Variants in GABARAPL1 observed in about 807,000 individuals in gnomAD.
The protein encoded by GABARAPL1 is gamma-aminobutyric acid receptor-associated protein-like 1.
GABARAPL1 carries 4 observed loss-of-function variants against 14.5 expected under a neutral mutation model. That is an observed-to-expected ratio of 0.28 (90% CI 0.14 to 0.63). The LOEUF (loss-of-function observed/expected upper bound fraction) is 0.63. GABARAPL1 is among the 30% of genes least tolerant of loss of function. The pLI, the probability that GABARAPL1 is intolerant of heterozygous loss-of-function variation, is 0.84. For missense variants in GABARAPL1, 82 were observed against 139.2 expected (o/e 0.59, Z 2.07); for synonymous variants, 47 against 50.6 (o/e 0.93, Z 0.30).
intron 2 of GABARAPL1, among the ~76,000 whole-genome samples, chr12:10,219,095 G>A (rs1285422680): frequency 6.6e-6 from 1 of 151,480 alleles, no homozygotes; most frequent in African/African-American, 2.4e-5. Context: ...GATGTGGGCA[G>A]ATCACCTGAG....
At chr12:10,213,733 A>G (rs1182190609) in intron 1 of GABARAPL1, 2 of 391,390 alleles carry the variant, frequency 5.1e-6, no homozygotes, top group Non-Finnish European at 1.0e-5. Flanking sequence ...GCTATTCAGT[A>G]ATTTTCTTGC....
intron 1 of GABARAPL1, 196 bp downstream of exon 1, chr12:10,213,415 G>C: frequency 1.5e-6 from 1 of 650,098 alleles, no homozygotes; most frequent in Non-Finnish European, 2.8e-6. Flanking sequence ...CCGTATGCCT[G>C]GGCCCCGAAC....
Position 10,222,337 on chromosome 12 carries a change from T to G in GABARAPL1, c.*485T>G, listed in dbSNP as rs74062112. 0.031 allele frequency: 5,165 copies of G among 164,950 alleles called. 315 individuals are homozygous for G. The highest frequency in any genetic ancestry group is 0.12 in the African/African-American group (4,910 of 41,898). 10.2% of individuals were successfully genotyped at this position (164,950 alleles called of 1,614,324 possible). Reference sequence around the variant, plus strand: ...AAAGAGACCCACTGTAATTGATGCATTGTGGCCCCTGATCTTCCCTGTCTC... The same window carrying G: ...AAAGAGACCCACTGTAATTGATGCAGTGTGGCCCCTGATCTTCCCTGTCTC... On this transcript the variant is annotated 3_prime_UTR_variant, in exon 4 of 4. Coordinates refer to ENST00000266458, the MANE Select transcript of GABARAPL1 (RefSeq NM_031412.4).
At chr12:10,215,269 G>A (rs545751641) in intron 1 of GABARAPL1, among the ~76,000 whole-genome samples, 17 of 152,258 alleles carry the variant, frequency 1.1e-4, no homozygotes, top group Admixed American at 9.8e-4. Flanking sequence ...CTGACTGCTC[G>A]CATAACCAGA....
In GABARAPL1 at chr12:10,221,961, T is replaced by A; in HGVS notation, c.*109T>A. ...GCTCCCACCGCAAGGAGACAGAAGG[T>A]GAAGACATCTAGAAACATTACACCA... On this transcript the variant is annotated 3_prime_UTR_variant, in exon 4 of 4. Coordinates refer to ENST00000266458, the MANE Select transcript of GABARAPL1 (RefSeq NM_031412.4). 1.1e-6 allele frequency: 1 copy of A among 874,584 alleles called. No homozygotes were observed. The allele number at this position is 874,584 out of a possible 1,614,324, so 54.2% of individuals were successfully genotyped here. A position where few individuals can be genotyped will look rare whatever the true frequency, so the allele number is the denominator to read the frequency against.
Position 10,215,620 on chromosome 12 carries a change from C to T in GABARAPL1, c.90+2401C>T, listed in dbSNP as rs75209299. ...CTCCCCCTTCTCTTCCTCTCCAAAC[C>T]CCTCCCTTCCCTCCAGGTATTGCCC... On this transcript the variant is annotated intron_variant, in intron 1 of 3. Transcript: ENST00000266458. Among the ~76,000 whole-genome samples, 637 of 152,028 alleles carry T rather than the reference C, an allele frequency of 4.2e-3. 7 individuals carry two copies. Among genetic ancestry groups the T allele is most frequent in the African/African-American group, 0.015 (610 of 41,476 alleles).
intron 1 of GABARAPL1, among the ~76,000 whole-genome samples, chr12:10,215,900 T>G (rs1215972734): frequency 2.3e-4 from 2 of 8,884 alleles, no homozygotes; most frequent in African/African-American, 3.0e-4. Flanking sequence ...TTTTTGTTGT[T>G]TTTTTTTTTA....
chr12:10,218,312 G>A (rs1443881338), intron 2 of GABARAPL1, among the ~76,000 whole-genome samples, 171 bp downstream of exon 2: 1 of 152,146 alleles, frequency 6.6e-6, no homozygotes, highest in East Asian at 1.9e-4. Context: ...CCTGGCTCAC[G>A]CCTGTAATCC....
chr12:10,221,341 G>A, intron 3 of GABARAPL1: 4 of 980,612 alleles, frequency 4.1e-6, no homozygotes, highest in Non-Finnish European at 4.8e-6. Flanking sequence ...ATATAACCTG[G>A]GATTATAACT....
In GABARAPL1 at chr12:10,220,571, G is replaced by T. The variant is rs760344726; in HGVS notation, c.288+13G>T. ...CCAACTGTATGAGGTAATGGTTCTG[G>T]TTGCACAATACTGGATGCCGTCCAG... is the stretch of plus-strand genomic sequence containing the variant. On this transcript the variant is annotated intron_variant, in intron 3 of 3. Transcript: ENST00000266458. The T allele has an allele frequency of 2.5e-6, 4 of 1,614,048 alleles. No homozygotes were observed. The Admixed American group carries it at 5.0e-5, about 20-fold the overall frequency.
chr12:10,213,558 T>G, intron 1 of GABARAPL1: 1 of 336,768 alleles, frequency 3.0e-6, no homozygotes, highest in Non-Finnish European at 5.8e-6. Flanking sequence ...TGGGCGAGAC[T>G]GGTTAGATCG....
chr12:10,219,072 A>T (rs111866752), intron 2 of GABARAPL1, among the ~76,000 whole-genome samples: 58,340 of 151,502 alleles, frequency 0.39, 14,152 homozygotes, highest in Non-Finnish European at 0.55. Context: ...TAATCCCAGC[A>T]CTTTGGGACG....
At chr12:10,220,606 G>T in intron 3 of GABARAPL1, 48 bp downstream of exon 3, 2 of 1,612,940 alleles carry the variant, frequency 1.2e-6, no homozygotes, top group African/African-American at 1.3e-5. Flanking sequence ...GTGCAGTCTG[G>T]CATCCTCTAG....
intron 3 of GABARAPL1, chr12:10,221,014 G>T (rs796225202): frequency 1.0e-6 from 1 of 985,384 alleles, no homozygotes; most frequent in African/African-American, 1.7e-5. Context: ...TAACTCTGAG[G>T]CCAGCCTCTG....
intron 1 of GABARAPL1, 140 bp downstream of exon 1, chr12:10,213,359 C>T (rs1335806992): frequency 1.4e-6 from 1 of 707,992 alleles, no homozygotes; most frequent in Admixed American, 2.0e-5. Flanking sequence ...GAACGCCCTT[C>T]AGTGCCAGAG....
At chr12:10,220,345 A>G in intron 2 of GABARAPL1, 95 bp from the exon 3 acceptor site, 1 of 1,567,874 alleles carries the variant, frequency 6.4e-7, no homozygotes, top group Admixed American at 1.7e-5. Context: ...TCTAAGGTGA[A>G]AAAATGCAAT....
chr12:10,213,923 GT>G (rs1370368490), intron 1 of GABARAPL1: 2 of 454,206 alleles, frequency 4.4e-6, no homozygotes, highest in African/African-American at 4.0e-5. Flanking sequence ...GGACTGAGAC[GT>G]TTTTTCTCCG....
chr12:10,218,099 G>T lies in GABARAPL1; in HGVS notation c.127G>T (p.Asp43Tyr). 6.2e-7 allele frequency: 1 copy of T among 1,611,390 alleles called. No individual in the cohort carries two copies. The highest frequency in any genetic ancestry group is 8.5e-7 in the Non-Finnish European group (1 of 1,177,506). ...VEKAPKARVP[D>Y]LDKRKYLVPS... ...GAAGGCTCCAAAAGCCAGGGTGCCTGATCTGGACAAGAGGAAGTACCTAGT... is the reference window on the plus strand; with the variant it reads ...GAAGGCTCCAAAAGCCAGGGTGCCTTATCTGGACAAGAGGAAGTACCTAGT... Residue 43 changes from aspartate (D) to tyrosine (Y), a missense_variant, in exon 2 of 4, where the codon GAT becomes TAT. Asp to Tyr is a radical substitution (Grantham distance 160). Around this residue, in one of 3 missense-constraint regions of GABARAPL1, gnomAD observed 65 missense variants for 103.7 expected, o/e 0.63. Coordinates refer to ENST00000266458, the MANE Select transcript of GABARAPL1 (RefSeq NM_031412.4).
chr12:10,214,737 A>G (rs552975717), intron 1 of GABARAPL1: 2 of 152,338 alleles, frequency 1.3e-5, no homozygotes, highest in South Asian at 4.1e-4. Context: ...TCTGTGGTTG[A>G]GCTGGAATTC....
Sources: gnomAD v4.1 joint callset for allele counts (sites outside exome capture counted in the v4.1 genomes callset) on GRCh38, gnomAD v4.1.1 for gene constraint, gnomAD v4.1.1 regional missense constraint, MANE v1.5 for transcripts, NCBI Gene and HGNC (gene_info 2026-07-23, HGNC 2026-07-21) for gene names.